Variants in AFF3 observed in about 807,000 individuals in gnomAD.
AFF3 encodes the protein ALF transcription elongation factor 3.
Under a neutral mutation model 129.7 loss-of-function variants are expected in AFF3, and 32 were observed. The observed-to-expected ratio is 0.25, with a 90% CI of 0.19 to 0.33. The LOEUF (loss-of-function observed/expected upper bound fraction) is 0.33. Ranked by LOEUF, AFF3 falls within the 10% of genes least tolerant of loss-of-function variation. AFF3 has a pLI of 1.00. For synonymous variants in AFF3, 644 were observed against 635.4 expected, an observed-to-expected ratio of 1.01 and a Z score of -0.20; for missense variants, 1,373 against 1,592.0, an observed-to-expected ratio of 0.86 and a Z score of 2.34.
chr2:99,961,167 CA>C (rs1395611727), intron 7 of AFF3, among the ~76,000 whole-genome samples: 1 of 152,280 alleles, frequency 6.6e-6, no homozygotes, highest in East Asian at 1.9e-4. Flanking sequence ...AACATCTCCC[CA>C]CCTTGCCTCC....
intron 7 of AFF3, among the ~76,000 whole-genome samples, chr2:99,850,178 C>T (rs1690041742): frequency 6.6e-6 from 1 of 152,198 alleles, no homozygotes; most frequent in African/African-American, 2.4e-5. Flanking sequence ...GTATAAGCCC[C>T]AGGCTGTTAG....
chr2:99,860,487 G>A (rs367811077), intron 7 of AFF3, among the ~76,000 whole-genome samples: 1 of 152,114 alleles, frequency 6.6e-6, no homozygotes, highest in Non-Finnish European at 1.5e-5. Flanking sequence ...CTGGGAGGCA[G>A]AGCTTGCAGT....
At chr2:99,946,699 C>T (rs762450520) in intron 7 of AFF3, among the ~76,000 whole-genome samples, 13 of 151,942 alleles carry the variant, frequency 8.6e-5, no homozygotes, top group Non-Finnish European at 1.5e-4. Context: ...AGGAATTAGG[C>T]CAAAGTTTAC....
At chr2:99,715,660 A>G (rs1448095484) in intron 11 of AFF3, among the ~76,000 whole-genome samples, 1 of 145,954 alleles carries the variant, frequency 6.9e-6, no homozygotes, top group Non-Finnish European at 1.5e-5. Flanking sequence ...TGATTTATGT[A>G]GGTCATTTCA....
At chr2:99,604,085 A>G (rs1680098040) in intron 13 of AFF3, among the ~76,000 whole-genome samples, 1 of 152,210 alleles carries the variant, frequency 6.6e-6, no homozygotes, top group Admixed American at 6.5e-5. Flanking sequence ...AGACCTAAAG[A>G]TAGAAATATC....
At chr2:99,641,125 AT>A (rs1252853217) in intron 13 of AFF3, among the ~76,000 whole-genome samples, 1 of 152,060 alleles carries the variant, frequency 6.6e-6, no homozygotes, top group Non-Finnish European at 1.5e-5. Flanking sequence ...GGGTCACCCG[AT>A]GCTTCCTGTC....
At chr2:99,980,950 T>C (rs1166113386) in intron 7 of AFF3, among the ~76,000 whole-genome samples, 1 of 152,238 alleles carries the variant, frequency 6.6e-6, no homozygotes, top group African/African-American at 2.4e-5. Context: ...TTTTATATAC[T>C]TGTTTTTCAG....
chr2:100,049,073 C>G (rs1030468710), intron 4 of AFF3, among the ~76,000 whole-genome samples: 2 of 152,148 alleles, frequency 1.3e-5, no homozygotes, highest in Non-Finnish European at 2.9e-5. Flanking sequence ...AGGCAAAGAT[C>G]ATTCTGCGAA....
intron 8 of AFF3, among the ~76,000 whole-genome samples, chr2:99,833,399 G>C (rs1164714802): frequency 3.9e-5 from 6 of 152,144 alleles, no homozygotes; most frequent in Admixed American, 1.3e-4. Context: ...GCAACTCTAT[G>C]TAAATATTCC....
intron 8 of AFF3, among the ~76,000 whole-genome samples, chr2:99,827,672 C>T (rs1688196688): frequency 6.6e-6 from 1 of 151,794 alleles, no homozygotes; most frequent in African/African-American, 2.4e-5. Context: ...TATATATACA[C>T]ACACATACAT....
At position 99,626,444 on chromosome 2, in the gene AFF3, T is replaced by TCCCTTCCCCTTCCTTCCCTTCCCTTTC. The variant is rs759277071; in HGVS notation, c.1184+23181_1184+23182insGAAAGGGAAGGGAAGGAAGGGGAAGGG. 9.1e-3 allele frequency among the ~76,000 whole-genome samples: 693 copies of TCCCTTCCCCTTCCTTCCCTTCCCTTTC among 75,824 alleles called. 10 individuals carry two copies. The highest frequency in any genetic ancestry group is 0.024 in the Middle Eastern group (3 of 124). 49.7% of individuals were successfully genotyped at this position (75,824 alleles called of 152,430 possible). On this transcript the variant is annotated intron_variant, in intron 13 of 24. Transcript: ENST00000672756. ...TTTCTCTCTCCTCCCTCCCTCTCCT[T>TCCCTTCCCCTTCCTTCCCTTCCCTTTC]CCCTTCCCCTTCCTTCCTTCCTCCC...
At chr2:100,113,447 A>G (rs995669621) in intron 2 of AFF3, among the ~76,000 whole-genome samples, 1 of 152,222 alleles carries the variant, frequency 6.6e-6, no homozygotes, top group Admixed American at 6.5e-5. Context: ...CAGGCCATAT[A>G]CAATGTTGTT....
intron 7 of AFF3, among the ~76,000 whole-genome samples, chr2:99,920,570 C>G (rs1332403003): frequency 6.6e-6 from 1 of 151,882 alleles, no homozygotes; most frequent in African/African-American, 2.4e-5. Context: ...TAATGCACAT[C>G]TAGAAAAAAT....
chr2:99,697,160 A>G (rs1400824265), intron 11 of AFF3, among the ~76,000 whole-genome samples: 1 of 152,232 alleles, frequency 6.6e-6, no homozygotes, highest in Non-Finnish European at 1.5e-5. Flanking sequence ...AGCAGAGACT[A>G]GAAGAAGTAG....
At chr2:99,773,586 C>T (rs1006040191) in intron 8 of AFF3, among the ~76,000 whole-genome samples, 1 of 151,968 alleles carries the variant, frequency 6.6e-6, no homozygotes, top group Non-Finnish European at 1.5e-5. Flanking sequence ...AGAGTTAAGA[C>T]TGGATATGAA....
chr2:99,941,749 G>A (rs1675058092), intron 7 of AFF3, among the ~76,000 whole-genome samples: 1 of 152,164 alleles, frequency 6.6e-6, no homozygotes, highest in African/African-American at 2.4e-5. Flanking sequence ...CACGATGGCT[G>A]GAGCCACAGT....
chr2:99,640,249 A>C (rs2105485772), intron 13 of AFF3, among the ~76,000 whole-genome samples: 1 of 152,318 alleles, frequency 6.6e-6, no homozygotes, highest in East Asian at 1.9e-4. Flanking sequence ...ATTGCTTCAG[A>C]CATTAAACCC....
chr2:99,955,138 G>A (rs1173072725), intron 7 of AFF3, among the ~76,000 whole-genome samples: 1 of 152,128 alleles, frequency 6.6e-6, no homozygotes, highest in African/African-American at 2.4e-5. Flanking sequence ...ACAAAACACT[G>A]TAGGGAAGTA....
chr2:100,038,274 G>C (rs537712026), intron 4 of AFF3, among the ~76,000 whole-genome samples: 3 of 151,480 alleles, frequency 2.0e-5, no homozygotes, highest in Non-Finnish European at 4.4e-5. Context: ...TCTTACTCCC[G>C]CAGATTAAAA....
Sources: allele counts gnomAD v4.1 joint callset (sites outside exome capture counted in the v4.1 genomes callset), GRCh38; gene constraint gnomAD v4.1.1; transcripts MANE v1.5; gene names NCBI Gene and HGNC (gene_info 2026-07-23, HGNC 2026-07-21).